Variants in TMPRSS9 observed in about 807,000 individuals in gnomAD.
The protein encoded by TMPRSS9 is transmembrane serine protease 9, also known as transmembrane protease serine 9.
TMPRSS9 carries 113 observed loss-of-function variants against 111.4 expected under a neutral mutation model. That is an observed-to-expected ratio of 1.01 (90% CI 0.87 to 1.19). The LOEUF is 1.19. TMPRSS9 is among the 50% of genes most tolerant of loss of function. The pLI, the probability that TMPRSS9 is intolerant of heterozygous loss-of-function variation, is 0.00. For synonymous variants in TMPRSS9, 805 were observed against 659.1 expected, an observed-to-expected ratio of 1.22 and a Z score of -3.39; for missense variants, 1,803 against 1,513.1, an observed-to-expected ratio of 1.19 and a Z score of -3.18.
In TMPRSS9 at chr19:2,415,837, A is replaced by G. The variant is rs144927447; in HGVS notation, c.1741A>G (p.Asn581Asp). 4 of 1,586,828 alleles carry G rather than the reference A, an allele frequency of 2.5e-6. No homozygotes were observed. In the African/African-American group the frequency reaches 5.4e-5, roughly 21 times the overall value. The stretch of plus-strand genomic sequence containing the variant: ...GCTGCTGTCTGCCGCCCACTGCTTC[A>G]ACCAGTAAGGCCCGCCTCCTCCAGG... Residue 581 changes from asparagine to aspartate, a missense_variant, in exon 11 of 18, where the codon AAC becomes GAC. By Grantham distance (23) the Asn-to-Asp change is conservative. Transcript: ENST00000648592.
chr19:2,360,713 G>C (rs1248586365), intron 1 of TMPRSS9, among the ~76,000 whole-genome samples: 1 of 147,530 alleles, frequency 6.8e-6, no homozygotes, highest in Non-Finnish European at 1.5e-5. Context: ...TGTAGATGCG[G>C]CGGGGGTTAT....
At chr19:2,387,654 A>C (rs770049701), upstream of TMPRSS9, among the ~76,000 whole-genome samples, 11 of 152,150 alleles carry the variant, frequency 7.2e-5, no homozygotes, top group Non-Finnish European at 1.3e-4. Context: ...CTGAGGTGGG[A>C]GGATCACTTA....
chr19:2,423,007 A>G (rs1197315370), intron 14 of TMPRSS9, among the ~76,000 whole-genome samples: 1 of 151,800 alleles, frequency 6.6e-6, no homozygotes, highest in Non-Finnish European at 1.5e-5. Context: ...CAGTGAGCCG[A>G]GATCATGCCA....
chr19:2,385,565 G>C (rs1056908801), upstream of TMPRSS9, among the ~76,000 whole-genome samples: 1 of 152,020 alleles, frequency 6.6e-6, no homozygotes, highest in Non-Finnish European at 1.5e-5. Flanking sequence ...ACTGGCAAAT[G>C]ATTATAAACG....
chr19:2,381,173 A>G lies in TMPRSS9; in HGVS notation c.-25-8588A>G, dbSNP rs118019163. 1.0e-2 allele frequency among the ~76,000 whole-genome samples: 1,516 copies of G among 152,112 alleles called. 14 individuals are homozygous for G. The highest frequency in any genetic ancestry group is 0.014 in the Non-Finnish European group (966 of 68,008). On this transcript the variant is annotated intron_variant, in intron 1 of 17. Transcript: ENST00000649857. ...CGCAGCCAGGCCTGGCCCATCGTAA[A>G]GGTTGGCTGGATGGAGAGAGTGAAA...
intron 6 of TMPRSS9, among the ~76,000 whole-genome samples, chr19:2,404,549 A>C (rs1290605705): frequency 2.6e-5 from 4 of 151,810 alleles, no homozygotes; most frequent in Non-Finnish European, 5.9e-5. Flanking sequence ...TCTCAAAAAA[A>C]AAAAAGCTGT....
At chr19:2,389,877 T>C (rs1970549288) in exon 1 of TMPRSS9, 1 of 1,613,856 alleles carries the variant, frequency 6.2e-7, no homozygotes, top group African/African-American at 1.3e-5. Context: ...GCGGCCAGCA[T>C]TGGCGTGGTG....
intron 1 of TMPRSS9, among the ~76,000 whole-genome samples, chr19:2,368,451 C>G (rs899113999): frequency 6.6e-6 from 1 of 151,998 alleles, no homozygotes; most frequent in African/African-American, 2.4e-5. Context: ...GTTTGGGGAT[C>G]GGCGAGGAGG....
chr19:2,394,562 G>A (rs1373079454), intron 1 of TMPRSS9, among the ~76,000 whole-genome samples: 5 of 149,792 alleles, frequency 3.3e-5, no homozygotes, highest in African/African-American at 1.2e-4. Context: ...ACACAGAGGC[G>A]GGGCAATTCA....
chr19:2,424,372 C>G, intron 15 of TMPRSS9, 115 bp downstream of exon 16: 1 of 1,159,980 alleles, frequency 8.6e-7, no homozygotes, highest in Non-Finnish European at 1.1e-6. Context: ...CCTCCCCAAC[C>G]CCGGCTCCCA....
Position 2,425,968 on chromosome 19 carries a change from A to AGTC in TMPRSS9, c.3162_3163insGTC (p.Gly1054_Arg1055insVal), listed in dbSNP as rs754976237. 6.8e-6 allele frequency: 11 copies of AGTC among 1,606,756 alleles called. No individual in the cohort carries two copies. In the African/African-American group the frequency reaches 1.5e-4, roughly 22 times the overall value. ...CCCTGGCCTGCAGGGAGCCCTCTGG[A>AGTC]CGGTGGGTGCTAACTGGGGTCACTA... On this transcript the variant is annotated inframe_insertion, in exon 18 of 18. Coordinates refer to ENST00000648592, the Ensembl canonical transcript of TMPRSS9.
At chr19:2,372,813 T>C (rs1770171580) in intron 1 of TMPRSS9, among the ~76,000 whole-genome samples, 1 of 152,178 alleles carries the variant, frequency 6.6e-6, no homozygotes, top group South Asian at 2.1e-4. Context: ...ATGGGTGTTC[T>C]AAACTTTTTT....
intron 4 of TMPRSS9, among the ~76,000 whole-genome samples, chr19:2,399,435 G>GC (rs1970782936): frequency 6.6e-6 from 1 of 152,176 alleles, no homozygotes; most frequent in Non-Finnish European, 1.5e-5. Flanking sequence ...AATCAGTTGG[G>GC]CGTGGTGGTG....
chr19:2,382,960 T>C (rs1349152276), intron 1 of TMPRSS9, among the ~76,000 whole-genome samples: 2 of 152,236 alleles, frequency 1.3e-5, no homozygotes, highest in Non-Finnish European at 2.9e-5. Flanking sequence ...GCAGATTTCC[T>C]TCCTCTTGGG....
chr19:2,387,998 A>G (rs907047043), upstream of TMPRSS9, among the ~76,000 whole-genome samples: 3 of 152,156 alleles, frequency 2.0e-5, no homozygotes, highest in African/African-American at 7.2e-5. Context: ...GAATGACTGG[A>G]TTAGGAATCT....
intron 1 of TMPRSS9, among the ~76,000 whole-genome samples, chr19:2,368,802 A>G (rs7247363): frequency 1.2e-5 from 1 of 80,756 alleles, no homozygotes; most frequent in Non-Finnish European, 2.3e-5. Flanking sequence ...TTTTTTTTTT[A>G]AAGACAGAGT....
chr19:2,389,900 G>T (rs773154071), exon 1 of TMPRSS9: 1 of 1,613,212 alleles, frequency 6.2e-7, no homozygotes, highest in Non-Finnish European at 8.5e-7. Flanking sequence ...CACCAGCCTT[G>T]TCGTCCTCAC....
chr19:2,363,677 G>C (rs149957837), intron 1 of TMPRSS9, among the ~76,000 whole-genome samples: 1 of 151,640 alleles, frequency 6.6e-6, no homozygotes, highest in Non-Finnish European at 1.5e-5. Flanking sequence ...TGCGCCCCTC[G>C]GTCCCCCAGG....
chr19:2,385,819 C>T (rs1174932770), upstream of TMPRSS9, among the ~76,000 whole-genome samples: 1 of 152,118 alleles, frequency 6.6e-6, no homozygotes, highest in African/African-American at 2.4e-5. Context: ...CCACTGCATT[C>T]CAGCCTGGGT....
Sources: allele counts gnomAD v4.1 joint callset (sites outside exome capture counted in the v4.1 genomes callset), GRCh38; gene constraint gnomAD v4.1.1; transcripts MANE v1.5; gene names NCBI Gene and HGNC (gene_info 2026-07-23, HGNC 2026-07-21).